OSBPL8: variants seen among roughly 807,000 people sequenced by gnomAD.
OSBPL8 encodes oxysterol binding protein like 8.
Under a neutral mutation model 125.5 loss-of-function variants are expected in OSBPL8, and 59 were observed. The observed-to-expected ratio is 0.47, with a 90% CI of 0.38 to 0.58. OSBPL8 has a LOEUF of 0.58. OSBPL8 is among the 20% of genes least tolerant of loss of function. OSBPL8 has a pLI of 0.00. For missense variants in OSBPL8, 758 were observed against 1,047.8 expected (o/e 0.72, Z 3.82); for synonymous variants, 330 against 338.9 (o/e 0.97, Z 0.29).
At position 76,390,622 on chromosome 12, in the gene OSBPL8, T is replaced by G; in HGVS notation, c.965A>C (p.Lys322Thr). 6.2e-7 allele frequency: 1 copy of G among 1,613,296 alleles called. No homozygotes were observed. The highest frequency in any genetic ancestry group is 2.2e-5 in the East Asian group (1 of 44,820). ...NDSEIERQHF[K>T]DQDMYSDKSD... ...TTTATCAGAATACATATCTTGGTCC[T>G]TAAAATGTTGTCGTTCAATTTCACT... Residue 322 changes from lysine (K) to threonine (T), a missense_variant, in exon 11 of 24, where the codon AAG becomes ACG. Physicochemically the swap from Lys to Thr is moderately conservative, Grantham distance 78 (BLOSUM62 -1). Coordinates refer to ENST00000261183, the MANE Select transcript of OSBPL8 (RefSeq NM_020841.5).
intron 21 of OSBPL8, among the ~76,000 whole-genome samples, chr12:76,363,725 C>G (rs1202868168): frequency 6.6e-6 from 1 of 152,106 alleles, no homozygotes; most frequent in African/African-American, 2.4e-5. Flanking sequence ...AACAGGCAAC[C>G]TACAGAATGG....
chr12:76,442,957 G>A (rs930325251), intron 4 of OSBPL8, among the ~76,000 whole-genome samples: 1 of 152,100 alleles, frequency 6.6e-6, no homozygotes, highest in African/African-American at 2.4e-5. Context: ...ATGAAGTAGT[G>A]GATATTGACT....
intron 4 of OSBPL8, among the ~76,000 whole-genome samples, chr12:76,437,433 C>T (rs535078680): frequency 8.5e-5 from 13 of 152,222 alleles, no homozygotes; most frequent in South Asian, 2.1e-4. Context: ...ATTGGCCATC[C>T]GTGTTACCTC....
chr12:76,357,754 A>G (rs1441884815), intron 22 of OSBPL8, among the ~76,000 whole-genome samples: 1 of 152,060 alleles, frequency 6.6e-6, no homozygotes, highest in Non-Finnish European at 1.5e-5. Flanking sequence ...TTGTCATCTA[A>G]TTTCTTAGTA....
chr12:76,390,317 A>T, intron 11 of OSBPL8, 103 bp downstream of exon 11: 1 of 846,190 alleles, frequency 1.2e-6, no homozygotes, highest in Non-Finnish European at 1.9e-6. Flanking sequence ...ACATTCTATC[A>T]CAGAAAAATA....
At chr12:76,550,707 T>C (rs1308376390) in intron 1 of OSBPL8, among the ~76,000 whole-genome samples, 1 of 152,202 alleles carries the variant, frequency 6.6e-6, no homozygotes, top group Non-Finnish European at 1.5e-5. Flanking sequence ...ACAAGCTTAG[T>C]CTAGCCAATA....
chr12:76,431,258 G>T (rs914757137), intron 4 of OSBPL8, among the ~76,000 whole-genome samples: 1 of 147,376 alleles, frequency 6.8e-6, no homozygotes, highest in Non-Finnish European at 1.5e-5. Context: ...AGATTAAAAA[G>T]CTAAAGAGAA....
intron 9 of OSBPL8, among the ~76,000 whole-genome samples, chr12:76,394,251 C>T (rs190077233): frequency 1.4e-4 from 21 of 152,034 alleles, no homozygotes; most frequent in Admixed American, 2.0e-4. Context: ...AAAGGTTGTA[C>T]TCGAATCTCT....
intron 6 of OSBPL8, 76 bp downstream of exon 6, chr12:76,402,613 T>C: frequency 9.9e-7 from 1 of 1,009,228 alleles, no homozygotes; most frequent in East Asian, 2.5e-5. Flanking sequence ...CATATATATT[T>C]ATCCTATTAG....
intron 4 of OSBPL8, among the ~76,000 whole-genome samples, chr12:76,418,883 T>A (rs1332355610): frequency 1.3e-5 from 2 of 151,652 alleles, no homozygotes; most frequent in Admixed American, 1.3e-4. Context: ...ACTATTTAGA[T>A]TGACAGATGG....
At chr12:76,376,703 C>T (rs1952830615) in intron 16 of OSBPL8, among the ~76,000 whole-genome samples, 1 of 152,116 alleles carries the variant, frequency 6.6e-6, no homozygotes, top group Non-Finnish European at 1.5e-5. Context: ...ACTTGAAGCT[C>T]TAAGAATAAT....
At position 76,553,906 on chromosome 12, in the gene OSBPL8, G is replaced by T. The variant is rs1951018497; in HGVS notation, c.-68+5491C>A. 2.7e-5 allele frequency among the ~76,000 whole-genome samples: 4 copies of T among 145,736 alleles called. No homozygotes were observed. In the Admixed American group the frequency reaches 2.8e-4, roughly 10 times the overall value. The stretch of plus-strand genomic sequence containing the variant: ...GCATGAGAATCACTTGAAACCGGGA[G>T]GCAGAGGTTGCAGTGAGCCAAGATC... On this transcript the variant is annotated intron_variant, in intron 1 of 23. Coordinates refer to ENST00000261183, the MANE Select transcript of OSBPL8 (RefSeq NM_020841.5).
Position 76,441,767 on chromosome 12 carries a change from T to C in OSBPL8, c.217+9084A>G, listed in dbSNP as rs143684201. On this transcript the variant is annotated intron_variant, in intron 4 of 23. Coordinates refer to ENST00000261183, the MANE Select transcript of OSBPL8 (RefSeq NM_020841.5). Reference sequence around the variant, plus strand: ...CCCATGGAGATACAGAGTAGAAGGATGGTTACTGGAGGCTGGGAAGAGTAG... The same window carrying C: ...CCCATGGAGATACAGAGTAGAAGGACGGTTACTGGAGGCTGGGAAGAGTAG... Among the ~76,000 whole-genome samples the C allele has an allele frequency of 2.4e-4, 36 of 151,738 alleles. No individual in the cohort carries two copies. The East Asian group carries it at 4.8e-3, about 20-fold the overall frequency.
At chr12:76,538,678 T>C (rs2137402681) in intron 1 of OSBPL8, among the ~76,000 whole-genome samples, 1 of 152,280 alleles carries the variant, frequency 6.6e-6, no homozygotes, top group African/African-American at 2.4e-5. Flanking sequence ...CCCAGTGCAG[T>C]GGCTCACACC....
intron 4 of OSBPL8, among the ~76,000 whole-genome samples, chr12:76,434,824 T>A (rs1343266045): frequency 6.6e-6 from 1 of 152,202 alleles, no homozygotes; most frequent in East Asian, 1.9e-4. Flanking sequence ...TATCACTTCA[T>A]ACCTGCCAGA....
intron 15 of OSBPL8, 38 bp from the exon 16 acceptor site, chr12:76,378,588 T>TA (rs779369596): frequency 5.7e-6 from 8 of 1,412,554 alleles, no homozygotes; most frequent in Non-Finnish European, 7.9e-6. Flanking sequence ...TCACAAAACT[T>TA]ATTCAACCAA....
chr12:76,475,657 G>A (rs1220909558), intron 2 of OSBPL8, among the ~76,000 whole-genome samples: 5 of 152,144 alleles, frequency 3.3e-5, no homozygotes, highest in Non-Finnish European at 7.3e-5. Flanking sequence ...AGTAAGAACT[G>A]AATTACTAGT....
chr12:76,369,536 TTTAA>T (rs1309370482), intron 20 of OSBPL8, 97 bp downstream of exon 20: 26 of 1,378,330 alleles, frequency 1.9e-5, no homozygotes, highest in Non-Finnish European at 2.6e-5. Context: ...ATATACATGG[TTTAA>T]TTAAATAAAA....
chr12:76,478,829 T>C (rs1877120033), intron 2 of OSBPL8, among the ~76,000 whole-genome samples: 1 of 152,184 alleles, frequency 6.6e-6, no homozygotes, highest in Admixed American at 6.5e-5. Flanking sequence ...CTCACACCTG[T>C]AATCCCAGCA....
Sources: allele counts gnomAD v4.1 joint callset (sites outside exome capture counted in the v4.1 genomes callset), GRCh38; gene constraint gnomAD v4.1.1; transcripts MANE v1.5; gene names NCBI Gene and HGNC (gene_info 2026-07-23, HGNC 2026-07-21).